FHDC1: variants seen among roughly 807,000 people sequenced by gnomAD.
FHDC1 encodes the protein FH2 domain containing 1.
FHDC1 carries 25 observed loss-of-function variants against 52.6 expected under a neutral mutation model. That is an observed-to-expected ratio of 0.48 (90% CI 0.35 to 0.66). FHDC1 has a LOEUF of 0.66. Ranked by LOEUF, FHDC1 falls within the 30% of genes least tolerant of loss-of-function variation. The probability of loss-of-function intolerance (pLI) is 0.01; values close to 1 mark genes in which losing one functional copy is unlikely to be tolerated. For missense variants in FHDC1, 1,459 were observed against 1,452.8 expected (o/e 1.00, Z -0.07); for synonymous variants, 616 against 581.5 (o/e 1.06, Z -0.85).
chr4:152,937,333 TTCG>T (rs1345158938), intron 1 of FHDC1, among the ~76,000 whole-genome samples: 1 of 151,990 alleles, frequency 6.6e-6, no homozygotes, highest in African/African-American at 2.4e-5. Context: ...GACCCCCCCT[TTCG>T]TTTCATTCAC....
intron 1 of FHDC1, among the ~76,000 whole-genome samples, chr4:152,940,493 C>T (rs1253644395): frequency 6.6e-6 from 1 of 152,220 alleles, no homozygotes; most frequent in Non-Finnish European, 1.5e-5. Flanking sequence ...TACTAAAACA[C>T]GCACCTTTCT....
intron 2 of FHDC1, 143 bp downstream of exon 2, chr4:152,943,698 G>T: frequency 9.9e-7 from 1 of 1,011,186 alleles, no homozygotes; most frequent in Non-Finnish European, 1.4e-6. Flanking sequence ...GCTAGGCAGG[G>T]TCTTTACGAT....
intron 4 of FHDC1, among the ~76,000 whole-genome samples, chr4:152,960,071 A>G (rs1740229961): frequency 6.6e-6 from 1 of 152,218 alleles, no homozygotes; most frequent in Admixed American, 6.5e-5. Context: ...ACTGAAAGAA[A>G]ATCTGTGTTA....
intron 1 of FHDC1, among the ~76,000 whole-genome samples, chr4:152,941,586 T>A (rs963288902): frequency 6.6e-6 from 1 of 152,254 alleles, no homozygotes; most frequent in African/African-American, 2.4e-5. Context: ...GTTGCACATC[T>A]TGAAAGTAGC....
At chr4:152,923,261 A>G in the FHDC1 span, among the ~76,000 whole-genome samples, 9 of 152,174 alleles carry the variant, frequency 5.9e-5, no homozygotes, top group Non-Finnish European at 1.3e-4. Context: ...ATTCACAATT[A>G]CTTCAAAGAG....
chr4:152,925,806 C>G, the FHDC1 span, among the ~76,000 whole-genome samples: 3 of 148,526 alleles, frequency 2.0e-5, no homozygotes, highest in Non-Finnish European at 3.0e-5. Context: ...GTTATAGTAA[C>G]TATTTTAGTG....
At chr4:152,968,154 G>A (rs1001746380) in intron 10 of FHDC1, 57 bp downstream of exon 10, 52 of 1,333,670 alleles carry the variant, frequency 3.9e-5, no homozygotes, top group Non-Finnish European at 5.3e-5. Context: ...GCACCCCGGG[G>A]CTGGTTAAAT....
chr4:152,963,675 G>A (rs56187848), intron 8 of FHDC1, among the ~76,000 whole-genome samples: 4,084 of 148,750 alleles, frequency 0.027, 81 homozygotes, highest in South Asian at 0.054. Context: ...CCAGTTATGT[G>A]TAGAAAGGTC....
At chr4:152,958,205 G>A (rs1196855305) in intron 4 of FHDC1, among the ~76,000 whole-genome samples, 1 of 152,132 alleles carries the variant, frequency 6.6e-6, no homozygotes, top group Non-Finnish European at 1.5e-5. Flanking sequence ...GTCTCAAGGA[G>A]CCTGCTCTCA....
chr4:152,976,651 A>G lies in FHDC1; in HGVS notation c.3360A>G (p.Glu1120=). The G allele has an allele frequency of 1.3e-6, 2 of 1,591,340 alleles. No homozygotes were observed. The highest frequency in any genetic ancestry group is 1.1e-5 in the South Asian group (1 of 89,300). ...CTCTGAAGGCCAGAGGGGCTGGGGA[A>G]AGGGCCTCCCTCCGTCGGAAGGACT... The part of the protein sequence containing the change: ...EAPLKARGAG[E]RASLRRKDSS... Residue 1120 remains glutamate (E), a synonymous_variant, in exon 12 of 12, where the codon GAA becomes GAG. Transcript: ENST00000511601.
the FHDC1 span, among the ~76,000 whole-genome samples, chr4:152,914,629 T>C: frequency 1.6e-4 from 24 of 152,232 alleles, no homozygotes; most frequent in Admixed American, 9.2e-4. Flanking sequence ...TGTCAAAGAT[T>C]GCATGAATTG....
chr4:152,913,251 T>C, the FHDC1 span, among the ~76,000 whole-genome samples: 1 of 152,262 alleles, frequency 6.6e-6, no homozygotes. Context: ...AATGGCTTCA[T>C]ACTAGGTAGA....
rs140234987 is a variant in FHDC1, at chr4:152,975,264, C to G, written c.1973C>G (p.Ala658Gly). Residue 658 changes from alanine (A) to glycine (G), a missense_variant, in exon 12 of 12, where the codon GCA (alanine) becomes GGA (glycine). Physicochemically the swap from Ala to Gly is moderately conservative, Grantham distance 60 (BLOSUM62 0). Around this residue, in one of 3 missense-constraint regions of FHDC1, gnomAD observed 939 missense variants for 854.5 expected, o/e 1.10. Transcript: ENST00000511601. ...AGTGAGCCGGTGAGCCTGGGCTCAG[C>G]ACAGTCCCCTCCTCTCTCGCCATTG... ...RYSEPVSLGS[A>G]QSPPLSPLAL... The G allele has an allele frequency of 1.3e-5, 21 of 1,613,518 alleles. No individual in the cohort carries two copies. The African/African-American group carries it at 1.6e-4, about 12-fold the overall frequency.
chr4:152,967,666 T>C (rs749481943), intron 9 of FHDC1, among the ~76,000 whole-genome samples: 24 of 152,224 alleles, frequency 1.6e-4, no homozygotes, highest in African/African-American at 5.1e-4. Flanking sequence ...GCATTTAGTT[T>C]GTAATGCTTA....
chr4:152,959,980 G>A (rs1269860289), intron 4 of FHDC1, among the ~76,000 whole-genome samples: 1 of 152,056 alleles, frequency 6.6e-6, no homozygotes, highest in Admixed American at 6.6e-5. Flanking sequence ...TTGTCTTCCT[G>A]CTGAAGAGCA....
chr4:152,968,187 G>A, intron 10 of FHDC1, 90 bp downstream of exon 10: 2 of 842,040 alleles, frequency 2.4e-6, no homozygotes, highest in South Asian at 1.7e-5. Flanking sequence ...ATTTGTGGAA[G>A]CAGCAGTTCC....
chr4:152,928,748 G>A, the FHDC1 span, among the ~76,000 whole-genome samples: 6 of 152,044 alleles, frequency 3.9e-5, no homozygotes, highest in African/African-American at 1.4e-4. Context: ...GTGTGACTAA[G>A]TAAAGATGAT....
the FHDC1 span, among the ~76,000 whole-genome samples, chr4:152,924,863 G>T: frequency 8.2e-6 from 1 of 122,242 alleles, no homozygotes; most frequent in Non-Finnish European, 1.7e-5. Flanking sequence ...GACTGTTGTG[G>T]GGTGGGGGGA....
chr4:152,931,221 G>C, the FHDC1 span, among the ~76,000 whole-genome samples: 1 of 151,962 alleles, frequency 6.6e-6, no homozygotes, highest in Non-Finnish European at 1.5e-5. Flanking sequence ...ACTGTTTTCT[G>C]GTGGTAAATA....
Sources: gnomAD v4.1 joint callset for allele counts (sites outside exome capture counted in the v4.1 genomes callset) on GRCh38, gnomAD v4.1.1 for gene constraint, gnomAD v4.1.1 regional missense constraint, MANE v1.5 for transcripts, NCBI Gene and HGNC (gene_info 2026-07-23, HGNC 2026-07-21) for gene names.